The following TRPS1 variants were observed in gnomAD, a reference collection of about 807,000 sequenced individuals.
TRPS1 encodes zinc finger transcription factor Trps1.
A neutral mutation model predicts 101.2 loss-of-function variants in TRPS1; 6 were observed. That is an observed-to-expected ratio of 0.06 (90% CI 0.03 to 0.12). The LOEUF (loss-of-function observed/expected upper bound fraction) is 0.12, where lower values mean the gene tolerates loss of function less well. Among genes scored for constraint, TRPS1 ranks in the 10% least tolerant of loss-of-function variants. The pLI is 1.00. For synonymous variants in TRPS1, 578 were observed against 589.8 expected (o/e 0.98, Z 0.29); for missense variants, 1,363 against 1,567.0 (o/e 0.87, Z 2.20).
At chr8:115,632,309 A>G (rs891285771) in intron 1 of TRPS1, among the ~76,000 whole-genome samples, 7 of 152,156 alleles carry the variant, frequency 4.6e-5, no homozygotes, top group Non-Finnish European at 1.0e-4. Flanking sequence ...CTCAAAATAT[A>G]CTATACAAGT....
intron 1 of TRPS1, among the ~76,000 whole-genome samples, chr8:115,630,394 GA>G (rs1818613757): frequency 6.6e-6 from 1 of 151,702 alleles, no homozygotes; most frequent in South Asian, 2.1e-4. Flanking sequence ...CACACCTTTA[GA>G]AAAGATTTTC....
rs1329009987 is a variant in TRPS1, at chr8:115,580,244, A to AT, written c.2700+6756_2700+6757insA. ...ATGGAAGGGAGAGAAGAAAAAAAAA[A>AT]AATATATATATATATATATATGAGA... On this transcript the variant is annotated intron_variant, in intron 5 of 6. Coordinates refer to ENST00000395715, the MANE Select transcript of TRPS1 (RefSeq NM_014112.5). Among the ~76,000 whole-genome samples, 814 of 141,802 alleles carry AT rather than the reference A, an allele frequency of 5.7e-3. 12 individuals carry two copies. Among genetic ancestry groups the AT allele is most frequent in the East Asian group, 0.044 (217 of 4,888 alleles). 93.0% of individuals were successfully genotyped at this position (141,802 alleles called of 152,430 possible). A position where few individuals can be genotyped will look rare whatever the true frequency, so the allele number is the denominator to read the frequency against.
chr8:115,449,956 A>AACACACACAC (rs61176190), intron 5 of TRPS1, among the ~76,000 whole-genome samples: 11,169 of 146,894 alleles, frequency 0.076, 440 homozygotes, highest in Middle Eastern at 0.12. Flanking sequence ...TATGTGATTT[A>AACACACACAC]ACACACACAC....
At chr8:115,650,073 C>T (rs1261774480) in intron 1 of TRPS1, among the ~76,000 whole-genome samples, 5 of 152,146 alleles carry the variant, frequency 3.3e-5, no homozygotes, top group African/African-American at 7.2e-5. Context: ...GTCTAAATTT[C>T]GCCTACTCAC....
At chr8:115,646,950 T>C (rs539015544) in intron 1 of TRPS1, among the ~76,000 whole-genome samples, 67 of 152,274 alleles carry the variant, frequency 4.4e-4, no homozygotes, top group Non-Finnish European at 7.4e-4. Context: ...AAAGCAATAC[T>C]AGAAGTTGAA....
intron 5 of TRPS1, among the ~76,000 whole-genome samples, chr8:115,481,907 C>T (rs576502669): frequency 6.6e-6 from 1 of 152,148 alleles, no homozygotes; most frequent in African/African-American, 2.4e-5. Flanking sequence ...TGAAGGAAAA[C>T]AGTTCTTGGA....
At chr8:115,474,633 T>A (rs1375186099) in intron 5 of TRPS1, among the ~76,000 whole-genome samples, 1 of 152,116 alleles carries the variant, frequency 6.6e-6, no homozygotes, top group Admixed American at 6.5e-5. Flanking sequence ...TGAGTAATAT[T>A]ATGTTCAATG....
chr8:115,582,767 T>G (rs1817481130), intron 5 of TRPS1, among the ~76,000 whole-genome samples: 1 of 152,176 alleles, frequency 6.6e-6, no homozygotes, highest in Admixed American at 6.5e-5. Context: ...AATGTAGATG[T>G]TACAACTGAC....
At chr8:115,517,845 G>T (rs1815754656) in intron 5 of TRPS1, among the ~76,000 whole-genome samples, 1 of 151,724 alleles carries the variant, frequency 6.6e-6, no homozygotes, top group African/African-American at 2.4e-5. Context: ...GGCCTTGATT[G>T]TTGCACTGTT....
intron 1 of TRPS1, among the ~76,000 whole-genome samples, chr8:115,629,968 G>A (rs1227846053): frequency 6.6e-6 from 1 of 151,752 alleles, no homozygotes; most frequent in East Asian, 1.9e-4. Context: ...TAGCTTTACA[G>A]GCTTTTGAAT....
intron 1 of TRPS1, among the ~76,000 whole-genome samples, chr8:115,647,305 G>T (rs1019625006): frequency 6.6e-6 from 1 of 152,072 alleles, no homozygotes; most frequent in Non-Finnish European, 1.5e-5. Flanking sequence ...AATACAGAGG[G>T]TATAAAAAGC....
At chr8:115,605,886 T>A (rs1818026563) in intron 3 of TRPS1, among the ~76,000 whole-genome samples, 1 of 152,126 alleles carries the variant, frequency 6.6e-6, no homozygotes, top group Admixed American at 6.6e-5. Context: ...TTGCATAAAA[T>A]CCTTCCTCCA....
chr8:115,649,973 C>G (rs1811523880), intron 1 of TRPS1, among the ~76,000 whole-genome samples: 1 of 152,196 alleles, frequency 6.6e-6, no homozygotes, highest in Admixed American at 6.5e-5. Context: ...ACATCCATTT[C>G]CTTCCTCTAT....
At chr8:115,427,280 AATAG>A (rs1363280376) in intron 5 of TRPS1, among the ~76,000 whole-genome samples, 1 of 152,182 alleles carries the variant, frequency 6.6e-6, no homozygotes, top group Non-Finnish European at 1.5e-5. Context: ...CTGTCTCTAA[AATAG>A]ATAAATAGAA....
chr8:115,448,332 T>C (rs1041819153), intron 5 of TRPS1, among the ~76,000 whole-genome samples: 1 of 152,196 alleles, frequency 6.6e-6, no homozygotes, highest in Non-Finnish European at 1.5e-5. Flanking sequence ...AGATACAGCA[T>C]GGCACAAAAG....
At chr8:115,524,160 C>T (rs528694767) in intron 5 of TRPS1, among the ~76,000 whole-genome samples, 10 of 151,962 alleles carry the variant, frequency 6.6e-5, no homozygotes, top group South Asian at 6.2e-4. Context: ...CATCTAGATG[C>T]TAAATATGTA....
chr8:115,635,494 G>T (rs1177775800), intron 1 of TRPS1, among the ~76,000 whole-genome samples: 2 of 152,168 alleles, frequency 1.3e-5, no homozygotes, highest in Non-Finnish European at 2.9e-5. Context: ...AAAGTGTTGA[G>T]TAAGGTGCTG....
intron 5 of TRPS1, among the ~76,000 whole-genome samples, chr8:115,555,975 T>C (rs901344651): frequency 6.6e-5 from 10 of 151,990 alleles, no homozygotes; most frequent in Admixed American, 3.9e-4. Flanking sequence ...CAGTGAACCA[T>C]GATTGCACCA....
chr8:115,570,866 G>C (rs1817187655), intron 5 of TRPS1, among the ~76,000 whole-genome samples: 1 of 152,112 alleles, frequency 6.6e-6, no homozygotes, highest in Non-Finnish European at 1.5e-5. Context: ...CACCATGTTT[G>C]AAACTCAGCA....
Sources: allele counts gnomAD v4.1 joint callset (sites outside exome capture counted in the v4.1 genomes callset), GRCh38; gene constraint gnomAD v4.1.1; transcripts MANE v1.5; gene names NCBI Gene and HGNC (gene_info 2026-07-23, HGNC 2026-07-21).